Variants in ERBB4 observed in about 807,000 individuals in gnomAD.
The protein encoded by ERBB4 is erb-b2 receptor tyrosine kinase 4.
Under a neutral mutation model 158.0 loss-of-function variants are expected in ERBB4, and 42 were observed. The ratio of observed to expected loss-of-function variants is 0.27; its 90% CI spans 0.21 to 0.34. The LOEUF (loss-of-function observed/expected upper bound fraction) is 0.34. Ranked by LOEUF, ERBB4 falls within the 10% of genes least tolerant of loss-of-function variation. The pLI, the probability that ERBB4 is intolerant of heterozygous loss-of-function variation, is 1.00. For synonymous variants in ERBB4, 583 were observed against 558.7 expected, an observed-to-expected ratio of 1.04 and a Z score of -0.61; for missense variants, 1,333 against 1,624.1, an observed-to-expected ratio of 0.82 and a Z score of 3.08.
intron 5 of ERBB4, among the ~76,000 whole-genome samples, chr2:211,749,368 A>C (rs1212803768): frequency 6.6e-6 from 1 of 152,234 alleles, no homozygotes; most frequent in African/African-American, 2.4e-5. Context: ...AACATGCAAA[A>C]CATGCTAATA....
intron 2 of ERBB4, among the ~76,000 whole-genome samples, chr2:211,948,869 A>C (rs2080787798): frequency 6.6e-6 from 1 of 152,020 alleles, no homozygotes; most frequent in African/African-American, 2.4e-5. Flanking sequence ...TACTTTCCCC[A>C]AACTCCAGAT....
intron 1 of ERBB4, among the ~76,000 whole-genome samples, chr2:212,471,375 C>A (rs922286603): frequency 2.6e-5 from 4 of 151,878 alleles, no homozygotes; most frequent in African/African-American, 9.7e-5. Context: ...GCCAACTAGA[C>A]AAATAGAAAT....
intron 1 of ERBB4, among the ~76,000 whole-genome samples, chr2:212,414,474 T>C (rs1341572592): frequency 6.6e-6 from 1 of 152,208 alleles, no homozygotes; most frequent in East Asian, 1.9e-4. Flanking sequence ...AATTCTGAAA[T>C]GCTGTAATAA....
chr2:211,458,353 G>A (rs1196756748), intron 20 of ERBB4, among the ~76,000 whole-genome samples: 3 of 151,428 alleles, frequency 2.0e-5, no homozygotes, highest in East Asian at 1.9e-4. Flanking sequence ...TGCAACCTCC[G>A]CCTCCCGGGT....
intron 1 of ERBB4, among the ~76,000 whole-genome samples, chr2:212,448,963 C>A (rs1440277856): frequency 6.6e-6 from 1 of 152,044 alleles, no homozygotes; most frequent in Non-Finnish European, 1.5e-5. Context: ...AGCTTCATTG[C>A]CTCAAACTTT....
chr2:211,841,251 T>C (rs374605713), intron 3 of ERBB4, among the ~76,000 whole-genome samples: 1 of 152,188 alleles, frequency 6.6e-6, no homozygotes, highest in African/African-American at 2.4e-5. Context: ...ATATTTGTGT[T>C]TACAGACAAA....
In ERBB4 at chr2:211,799,228, C is replaced by T. The variant is rs139654967; in HGVS notation, c.422-11069G>A. 2.7e-3 allele frequency among the ~76,000 whole-genome samples: 409 copies of T among 152,204 alleles called. 1 individual carries two copies. The highest frequency in any genetic ancestry group is 9.2e-3 in the African/African-American group (383 of 41,546). ...CACAATATTCTATGGTCCTTACCACCACCCAATCATTTTCTCCACTGTAAA... is the reference window on the plus strand; with the variant it reads ...CACAATATTCTATGGTCCTTACCACTACCCAATCATTTTCTCCACTGTAAA... On this transcript the variant is annotated intron_variant, in intron 3 of 27. Coordinates refer to ENST00000342788, the MANE Select transcript of ERBB4 (RefSeq NM_005235.3).
intron 19 of ERBB4, among the ~76,000 whole-genome samples, chr2:211,606,015 G>A (rs1851198): frequency 0.83 from 126,249 of 151,910 alleles, 53,198 homozygotes; most frequent in Admixed American, 0.9. Context: ...AAATGGAACT[G>A]CCCACTTTTA....
chr2:211,947,418 T>C lies in ERBB4; in HGVS notation c.421+12A>G. ...ATGAAAGCATATTTGCCATTTTGGA[T>C]ATATTCCTTACCTGTCAAGTTCTTT... On this transcript the variant is annotated intron_variant, in intron 3 of 27. Transcript: ENST00000342788. 6.2e-7 allele frequency: 1 copy of C among 1,608,244 alleles called. No homozygotes were observed. The highest frequency in any genetic ancestry group is 1.3e-5 in the African/African-American group (1 of 74,924).
intron 1 of ERBB4, among the ~76,000 whole-genome samples, chr2:212,331,931 T>C (rs539171603): frequency 1.1e-3 from 168 of 152,174 alleles, no homozygotes; most frequent in African/African-American, 3.9e-3. Flanking sequence ...TGGAGAACTT[T>C]CCAGAAGACT....
chr2:212,131,225 C>T (rs901556756), intron 1 of ERBB4, among the ~76,000 whole-genome samples: 1 of 152,172 alleles, frequency 6.6e-6, no homozygotes, highest in African/African-American at 2.4e-5. Flanking sequence ...CTTCCCTGGA[C>T]TTACACAGCG....
At chr2:212,132,516 A>G (rs1340035407) in intron 1 of ERBB4, among the ~76,000 whole-genome samples, 1 of 152,206 alleles carries the variant, frequency 6.6e-6, no homozygotes, top group Non-Finnish European at 1.5e-5. Flanking sequence ...CGGATAGAAT[A>G]AAAAGGCAGA....
intron 25 of ERBB4, among the ~76,000 whole-genome samples, chr2:211,411,985 C>A (rs3828243): frequency 0.65 from 98,225 of 151,832 alleles, 32,244 homozygotes; most frequent in South Asian, 0.77. Context: ...CTAATTGGAT[C>A]TCGATTAGAG....
At position 211,961,516 on chromosome 2, in the gene ERBB4, G is replaced by T. The variant is rs1342694132; in HGVS notation, c.235-13900C>A. ...TGACTGCTGTGCCATTGAGTCTTGT[G>T]TCTTCTTCTAACACAAGTGACAGAC... On this transcript the variant is annotated intron_variant, in intron 2 of 27. Transcript: ENST00000342788. Among the ~76,000 whole-genome samples, 7 of 152,258 alleles carry T rather than the reference G, an allele frequency of 4.6e-5. No individual in the cohort carries two copies. The East Asian group carries it at 1.4e-3, about 29-fold the overall frequency.
chr2:212,120,680 T>A (rs1049265181), intron 2 of ERBB4, among the ~76,000 whole-genome samples: 12 of 152,082 alleles, frequency 7.9e-5, no homozygotes, highest in Non-Finnish European at 1.6e-4. Flanking sequence ...CCTTTAAAAA[T>A]TAAAGTAATT....
At chr2:212,295,334 G>T (rs1354004449) in intron 1 of ERBB4, among the ~76,000 whole-genome samples, 1 of 151,926 alleles carries the variant, frequency 6.6e-6, no homozygotes, top group Non-Finnish European at 1.5e-5. Flanking sequence ...AAAATGAAGA[G>T]AAGACATATA....
chr2:211,501,744 T>A (rs2065622304), intron 20 of ERBB4, among the ~76,000 whole-genome samples: 1 of 152,124 alleles, frequency 6.6e-6, no homozygotes, highest in Non-Finnish European at 1.5e-5. Flanking sequence ...TTACAATTTC[T>A]CTAAAATGTA....
intron 16 of ERBB4, among the ~76,000 whole-genome samples, chr2:211,652,642 T>C (rs925672186): frequency 1.7e-4 from 26 of 152,188 alleles, no homozygotes; most frequent in Admixed American, 1.4e-3. Context: ...AAAGTAAAAG[T>C]ATGACACAGG....
At chr2:211,844,824 T>C (rs1256562147) in intron 3 of ERBB4, among the ~76,000 whole-genome samples, 1 of 152,138 alleles carries the variant, frequency 6.6e-6, no homozygotes, top group African/African-American at 2.4e-5. Context: ...TTAAGCACCA[T>C]TTAACTGTGG....
Sources: allele counts gnomAD v4.1 joint callset (sites outside exome capture counted in the v4.1 genomes callset), GRCh38; gene constraint gnomAD v4.1.1; transcripts MANE v1.5; gene names NCBI Gene and HGNC (gene_info 2026-07-23, HGNC 2026-07-21).